PCED1B: variants seen among roughly 807,000 people sequenced by gnomAD.
PCED1B encodes PC-esterase domain containing 1B, also known as PC-esterase domain-containing protein 1B.
For missense variants in PCED1B, 573 were observed against 573.9 expected (o/e 1.00, Z 0.02); for synonymous variants, 251 against 246.1 (o/e 1.02, Z -0.19).
chr12:47,091,373 C>T (rs1207613363), intron 1 of PCED1B, among the ~76,000 whole-genome samples: 1 of 151,940 alleles, frequency 6.6e-6, no homozygotes, highest in Non-Finnish European at 1.5e-5. Flanking sequence ...TTGAGTTGTT[C>T]AACTTTTTCT....
At chr12:47,156,190 A>G (rs1196955741) in intron 2 of PCED1B, among the ~76,000 whole-genome samples, 1 of 152,190 alleles carries the variant, frequency 6.6e-6, no homozygotes, top group Non-Finnish European at 1.5e-5. Flanking sequence ...TCTTCACCAT[A>G]GCCAAGAACA....
intron 3 of PCED1B, among the ~76,000 whole-genome samples, chr12:47,220,979 A>G (rs936696415): frequency 6.6e-6 from 1 of 152,226 alleles, no homozygotes; most frequent in African/African-American, 2.4e-5. Flanking sequence ...AGAAGATCCC[A>G]AGAAGAAAGG....
intron 1 of PCED1B, among the ~76,000 whole-genome samples, chr12:47,097,137 A>T (rs1169981858): frequency 1.3e-5 from 2 of 152,194 alleles, no homozygotes; most frequent in Admixed American, 1.3e-4. Context: ...CCACATTTAC[A>T]TTTATATTGG....
intron 2 of PCED1B, among the ~76,000 whole-genome samples, chr12:47,158,482 C>T (rs1372799943): frequency 6.6e-6 from 1 of 152,056 alleles, no homozygotes; most frequent in Non-Finnish European, 1.5e-5. Context: ...GTCTTTTGCC[C>T]ATTTTTGAAT....
intron 2 of PCED1B, among the ~76,000 whole-genome samples, chr12:47,143,605 C>A (rs1249173067): frequency 1.3e-5 from 2 of 152,084 alleles, no homozygotes; most frequent in African/African-American, 4.8e-5. Flanking sequence ...GGAAAGATAT[C>A]CCATGGTCAT....
intron 2 of PCED1B, among the ~76,000 whole-genome samples, chr12:47,204,241 G>A (rs186633564): frequency 3.3e-5 from 5 of 152,092 alleles, no homozygotes; most frequent in Admixed American, 1.3e-4. Flanking sequence ...GAGCCACCAC[G>A]CCCAACCCCC....
chr12:47,189,603 G>A (rs192048367), intron 2 of PCED1B, among the ~76,000 whole-genome samples: 102 of 152,176 alleles, frequency 6.7e-4, no homozygotes, highest in African/African-American at 2.3e-3. Flanking sequence ...TTCTGCTACC[G>A]CTAACATCAA....
chr12:47,087,552 T>C (rs1266203596), intron 1 of PCED1B, among the ~76,000 whole-genome samples: 1 of 152,206 alleles, frequency 6.6e-6, no homozygotes, highest in African/African-American at 2.4e-5. Flanking sequence ...TCTAGGAATT[T>C]GTAGTATTAT....
intron 2 of PCED1B, among the ~76,000 whole-genome samples, chr12:47,203,656 TG>T (rs772670177): frequency 8.5e-5 from 13 of 152,262 alleles, no homozygotes; most frequent in Non-Finnish European, 1.8e-4. Flanking sequence ...ATTCCTTTTA[TG>T]GCTGCATAGT....
intron 1 of PCED1B, among the ~76,000 whole-genome samples, chr12:47,098,735 G>A (rs1202672058): frequency 2.0e-5 from 3 of 152,112 alleles, no homozygotes; most frequent in Non-Finnish European, 4.4e-5. Context: ...GCCCGCCTCC[G>A]CCTCCCAAAG....
At chr12:47,181,293 A>G (rs957331562) in intron 2 of PCED1B, among the ~76,000 whole-genome samples, 2 of 151,472 alleles carry the variant, frequency 1.3e-5, no homozygotes, top group Non-Finnish European at 2.9e-5. Context: ...CCTTAACAGT[A>G]TTTTCTTGAT....
chr12:47,208,974 A>T (rs776429251), intron 2 of PCED1B: 9 of 152,002 alleles, frequency 5.9e-5, no homozygotes, highest in Non-Finnish European at 1.0e-4. Context: ...CAACAACAAA[A>T]ACAAATGCCC....
At chr12:47,114,202 G>A (rs1003200769) in intron 2 of PCED1B, among the ~76,000 whole-genome samples, 1 of 152,138 alleles carries the variant, frequency 6.6e-6, no homozygotes, top group African/African-American at 2.4e-5. Context: ...TATCCACTAT[G>A]TGCCACTTAG....
intron 2 of PCED1B, among the ~76,000 whole-genome samples, chr12:47,182,251 G>C (rs921786746): frequency 5.9e-5 from 9 of 152,164 alleles, no homozygotes; most frequent in Non-Finnish European, 1.5e-5. Flanking sequence ...AGAATTCACT[G>C]TGAGTCACTG....
rs145610550 is a variant in PCED1B, at chr12:47,136,811, A to G, written c.-526+32616A>G. On this transcript the variant is annotated intron_variant, in intron 2 of 3. Coordinates refer to ENST00000546455, the MANE Select transcript of PCED1B (RefSeq NM_138371.3). The stretch of plus-strand genomic sequence containing the variant: ...AGGCAAATTTTTAAGTATAAACGAT[A>G]TCTACATATACTAGAAGACAAGTCA... Among the ~76,000 whole-genome samples, 385 of 152,324 alleles carry G rather than the reference A, an allele frequency of 2.5e-3. 3 individuals carry two copies. Among genetic ancestry groups the G allele is most frequent in the African/African-American group, 8.6e-3 (357 of 41,554 alleles).
At chr12:47,196,778 T>TCGTG (rs1942614966) in intron 2 of PCED1B, among the ~76,000 whole-genome samples, 1 of 151,934 alleles carries the variant, frequency 6.6e-6, no homozygotes, top group South Asian at 2.1e-4. Flanking sequence ...TGAGCCAAGA[T>TCGTG]CGTGCCACTG....
chr12:47,138,255 C>G (rs1263761348), intron 2 of PCED1B: 1 of 152,188 alleles, frequency 6.6e-6, no homozygotes, highest in Non-Finnish European at 1.5e-5. Context: ...TGGGTAGAAC[C>G]TCAAACATGG....
intron 2 of PCED1B, among the ~76,000 whole-genome samples, chr12:47,116,078 A>T (rs1191059001): frequency 6.6e-6 from 1 of 152,228 alleles, no homozygotes; most frequent in Non-Finnish European, 1.5e-5. Context: ...TTAGCATATC[A>T]CATTAATGTT....
intron 1 of PCED1B, among the ~76,000 whole-genome samples, chr12:47,094,937 C>T (rs959205640): frequency 2.2e-4 from 33 of 148,172 alleles, no homozygotes; most frequent in African/African-American, 6.0e-4. Context: ...AGGTGTCTCA[C>T]GTTTTGTCAC....
Sources: gnomAD v4.1 joint callset for allele counts (sites outside exome capture counted in the v4.1 genomes callset) on GRCh38, gnomAD v4.1.1 for gene constraint, MANE v1.5 for transcripts, NCBI Gene and HGNC (gene_info 2026-07-23, HGNC 2026-07-21) for gene names.